Variants in ZCCHC7 observed in about 807,000 individuals in gnomAD.
ZCCHC7 encodes zinc finger CCHC-type containing 7.
In ZCCHC7, 35 loss-of-function variants were observed where a neutral mutation model predicts 52.0. The ratio of observed to expected loss-of-function variants is 0.67; its 90% CI spans 0.51 to 0.89. The LOEUF (loss-of-function observed/expected upper bound fraction) is 0.89, where lower values mean the gene tolerates loss of function less well. Among genes scored for constraint, ZCCHC7 ranks in the 40% least tolerant of loss-of-function variants. ZCCHC7 has a pLI of 0.00. For synonymous variants in ZCCHC7, 217 were observed against 221.5 expected (o/e 0.98, Z 0.18); for missense variants, 574 against 649.1 (o/e 0.88, Z 1.26).
At chr9:37,329,600 T>G (rs1200396349) in intron 6 of ZCCHC7, among the ~76,000 whole-genome samples, 2 of 151,882 alleles carry the variant, frequency 1.3e-5, no homozygotes, top group Non-Finnish European at 2.9e-5. Flanking sequence ...ACTAGCATGT[T>G]TATGAACTTG....
At chr9:37,163,896 A>C (rs1323339218) in intron 2 of ZCCHC7, among the ~76,000 whole-genome samples, 1 of 152,100 alleles carries the variant, frequency 6.6e-6, no homozygotes, top group East Asian at 1.9e-4. Context: ...TTTTATATGG[A>C]GATATCTAAC....
chr9:37,197,996 C>A (rs540914007), intron 2 of ZCCHC7, among the ~76,000 whole-genome samples: 145 of 152,250 alleles, frequency 9.5e-4, no homozygotes, highest in African/African-American at 3.4e-3. Flanking sequence ...AATTTCCCAT[C>A]TTATAAAATG....
At chr9:37,226,996 T>G (rs979049699) in intron 2 of ZCCHC7, among the ~76,000 whole-genome samples, 2 of 131,122 alleles carry the variant, frequency 1.5e-5, no homozygotes, top group Non-Finnish European at 3.1e-5. Flanking sequence ...GGCACTGCAC[T>G]CCAGCCTGGG....
At chr9:37,333,439 A>C (rs1830526048) in intron 6 of ZCCHC7, among the ~76,000 whole-genome samples, 1 of 151,726 alleles carries the variant, frequency 6.6e-6, no homozygotes, top group Non-Finnish European at 1.5e-5. Context: ...TGTGCTTTTT[A>C]TTCCTGCCCC....
intron 8 of ZCCHC7, among the ~76,000 whole-genome samples, chr9:37,356,398 A>C (rs1477189110): frequency 6.6e-6 from 1 of 152,228 alleles, no homozygotes; most frequent in Non-Finnish European, 1.5e-5. Context: ...CATCCACCTA[A>C]AAGTACTATG....
chr9:37,137,441 G>C (rs1471451450), intron 2 of ZCCHC7, among the ~76,000 whole-genome samples: 1 of 152,170 alleles, frequency 6.6e-6, no homozygotes, highest in Non-Finnish European at 1.5e-5. Flanking sequence ...TTTATATGTG[G>C]CTGGATGTGA....
intron 2 of ZCCHC7, among the ~76,000 whole-genome samples, chr9:37,234,663 C>G (rs377451511): frequency 7.9e-5 from 12 of 152,270 alleles, no homozygotes; most frequent in African/African-American, 2.9e-4. Flanking sequence ...TGTTAAAAGA[C>G]CAAAACCTAG....
At chr9:37,136,954 G>C (rs1289394912) in intron 2 of ZCCHC7, among the ~76,000 whole-genome samples, 1 of 152,058 alleles carries the variant, frequency 6.6e-6, no homozygotes, top group Non-Finnish European at 1.5e-5. Context: ...CATGTCTCTA[G>C]TATGGTGCTA....
intron 2 of ZCCHC7, among the ~76,000 whole-genome samples, chr9:37,163,405 GAAAA>G (rs1256401207): frequency 8.3e-6 from 1 of 120,570 alleles, no homozygotes; most frequent in African/African-American, 3.1e-5. Context: ...AAAAAAAAAA[GAAAA>G]GAAAAAAATA....
intron 2 of ZCCHC7, among the ~76,000 whole-genome samples, chr9:37,186,266 A>G (rs189104687): frequency 2.5e-3 from 384 of 152,260 alleles, no homozygotes; most frequent in Middle Eastern, 0.024. Context: ...ATGTAAATAA[A>G]TCTTGAAATT....
intron 2 of ZCCHC7, among the ~76,000 whole-genome samples, chr9:37,273,933 T>G (rs937354206): frequency 4.6e-5 from 7 of 152,226 alleles, no homozygotes; most frequent in Non-Finnish European, 7.3e-5. Context: ...TGGCTTGTCC[T>G]TTAAGTTTTC....
At chr9:37,193,166 TTA>T (rs1823106075) in intron 2 of ZCCHC7, among the ~76,000 whole-genome samples, 1 of 152,208 alleles carries the variant, frequency 6.6e-6, no homozygotes, top group African/African-American at 2.4e-5. Context: ...TTCAGTTATT[TTA>T]TGTTTGAACA....
intron 1 of ZCCHC7, among the ~76,000 whole-genome samples, chr9:37,123,601 G>T (rs1372308087): frequency 5.3e-5 from 8 of 152,118 alleles, no homozygotes; most frequent in Admixed American, 5.2e-4. Flanking sequence ...CCTTTGGGAT[G>T]GCTGCAAGAG....
intron 2 of ZCCHC7, among the ~76,000 whole-genome samples, chr9:37,206,539 A>G (rs1356129317): frequency 2.0e-5 from 3 of 151,880 alleles, no homozygotes; most frequent in Non-Finnish European, 2.9e-5. Context: ...TTTTGTAGAG[A>G]TGGGTTTTGC....
chr9:37,166,471 T>G (rs767349396), intron 2 of ZCCHC7, among the ~76,000 whole-genome samples: 2 of 152,206 alleles, frequency 1.3e-5, no homozygotes, highest in Non-Finnish European at 2.9e-5. Context: ...ATGTCTGTCT[T>G]GAGATTAGTA....
At chr9:37,219,848 G>C (rs770723726) in intron 2 of ZCCHC7, among the ~76,000 whole-genome samples, 1 of 152,142 alleles carries the variant, frequency 6.6e-6, no homozygotes, top group East Asian at 1.9e-4. Context: ...TTTATTTTTT[G>C]ATGAAATGTA....
At chr9:37,201,727 A>C (rs1823640104) in intron 2 of ZCCHC7, among the ~76,000 whole-genome samples, 1 of 152,222 alleles carries the variant, frequency 6.6e-6, no homozygotes, top group Admixed American at 6.5e-5. Flanking sequence ...GCACTAGCAA[A>C]TTACCATGCA....
rs139626057 is a variant in ZCCHC7 at position 37,156,170 on chromosome 9, G to A, written c.610+29228G>A. Among the ~76,000 whole-genome samples the A allele has an allele frequency of 4.1e-3, 622 of 152,224 alleles. 5 individuals carry two copies. The highest frequency in any genetic ancestry group is 0.014 in the African/African-American group (597 of 41,528). ...GATAGATTTCTTTGGTTTAAGTTATGGTTTGAGTTTGTTTCCCTTTTTCGT... is the reference window on the plus strand; with the variant it reads ...GATAGATTTCTTTGGTTTAAGTTATAGTTTGAGTTTGTTTCCCTTTTTCGT... On this transcript the variant is annotated intron_variant, in intron 2 of 8. Coordinates refer to ENST00000336755, the MANE Select transcript of ZCCHC7 (RefSeq NM_032226.3).
intron 6 of ZCCHC7, among the ~76,000 whole-genome samples, chr9:37,330,780 C>T (rs746394657): frequency 2.0e-5 from 3 of 151,024 alleles, no homozygotes; most frequent in African/African-American, 4.9e-5. Flanking sequence ...CCCCTTTATT[C>T]GAGAAAGAAT....
Sources: gnomAD v4.1 joint callset for allele counts (sites outside exome capture counted in the v4.1 genomes callset) on GRCh38, gnomAD v4.1.1 for gene constraint, MANE v1.5 for transcripts, NCBI Gene and HGNC (gene_info 2026-07-23, HGNC 2026-07-21) for gene names.